Variants in CLEC12B observed in about 807,000 individuals in gnomAD.
CLEC12B encodes macrophage antigen h.
Under a neutral mutation model 36.1 loss-of-function variants are expected in CLEC12B, and 25 were observed. The ratio of observed to expected loss-of-function variants is 0.69; its 90% confidence interval spans 0.50 to 0.97. The LOEUF (loss-of-function observed/expected upper bound fraction) is 0.97. CLEC12B is among the 50% of genes least tolerant of loss of function. The pLI, the probability that CLEC12B is intolerant of heterozygous loss-of-function variation, is 0.00. For synonymous variants in CLEC12B, 110 were observed against 108.5 expected, an observed-to-expected ratio of 1.01 and a Z score of -0.09; for missense variants, 325 against 318.4, an observed-to-expected ratio of 1.02 and a Z score of -0.16.
In CLEC12B at chr12:10,010,664, C is replaced by T; in HGVS notation, c.-96C>T. Reference sequence around the variant, plus strand: ...TGTGTCTGGGTCAGCTGAGTGACTACATCAAAGCTCCCAGCCTTGAAAAAC... The same window carrying T: ...TGTGTCTGGGTCAGCTGAGTGACTATATCAAAGCTCCCAGCCTTGAAAAAC... On this transcript the variant is annotated 5_prime_UTR_variant, in exon 1 of 6. Coordinates refer to ENST00000338896, the MANE Select transcript of CLEC12B (RefSeq NM_001129998.3). 1 of 723,692 alleles carries T rather than the reference C, an allele frequency of 1.4e-6. No individual in the cohort carries two copies. The highest frequency in any genetic ancestry group is 2.4e-6 in the Non-Finnish European group (1 of 424,140). The allele number at this position is 723,692 out of a possible 1,614,324, so 44.8% of individuals were successfully genotyped here.
At chr12:10,013,239 C>A in intron 2 of CLEC12B, 1 of 269,826 alleles carries the variant, frequency 3.7e-6, no homozygotes, top group East Asian at 1.3e-4. Flanking sequence ...GAAGTGCTTG[C>A]TATTTTTATT....
chr12:10,016,558 T>C, intron 5 of CLEC12B: 1 of 289,296 alleles, frequency 3.5e-6, no homozygotes, highest in Non-Finnish European at 5.2e-6. Flanking sequence ...ATGAAACAAC[T>C]GTATTAATAT....
chr12:10,017,565 T>G (rs1308703967), intron 5 of CLEC12B: 1 of 985,388 alleles, frequency 1.0e-6, no homozygotes, highest in Non-Finnish European at 1.2e-6. Flanking sequence ...CAAGCCAGCA[T>G]GTCAAACACA....
chr12:10,013,050 A>G (rs1865373715), intron 2 of CLEC12B, 167 bp downstream of exon 2: 2 of 631,252 alleles, frequency 3.2e-6, no homozygotes, highest in Non-Finnish European at 5.6e-6. Context: ...AACCGGCAAA[A>G]GACATTATCA....
chr12:10,007,688 T>A (rs1231854947), upstream of CLEC12B, among the ~76,000 whole-genome samples: 1 of 152,208 alleles, frequency 6.6e-6, no homozygotes, highest in Admixed American at 6.5e-5. Context: ...AGAAGTTACA[T>A]TTCAAAAACG....
chr12:10,006,948 T>G (rs993113148), upstream of CLEC12B, among the ~76,000 whole-genome samples: 4 of 151,686 alleles, frequency 2.6e-5, no homozygotes, highest in Admixed American at 6.6e-5. Flanking sequence ...CCAGTTACTC[T>G]GGAGGCTGAG....
At position 10,010,712 on chromosome 12, in the gene CLEC12B, G is replaced by T; in HGVS notation, c.-48G>T. ...AACACATGCTGTTCCCAGGCCTCAA[G>T]ATATTGAAACATTAATTAGATAATT... On this transcript the variant is annotated 5_prime_UTR_variant, in exon 1 of 6. Coordinates refer to ENST00000338896, the MANE Select transcript of CLEC12B (RefSeq NM_001129998.3). 7.9e-7 allele frequency: 1 copy of T among 1,264,188 alleles called. No homozygotes were observed. Among genetic ancestry groups the T allele is most frequent in the Non-Finnish European group, 1.1e-6 (1 of 875,062 alleles). 78.3% of individuals were successfully genotyped at this position (1,264,188 alleles called of 1,614,324 possible). A position where few individuals can be genotyped will look rare whatever the true frequency, so the allele number is the denominator to read the frequency against.
rs550024263 is a variant in CLEC12B at position 10,018,454 on chromosome 12, C to T, written c.804C>T (p.Ala268=). Residue 268 remains alanine (A), a synonymous_variant, in exon 6 of 6, where the codon GCC becomes GCT. Transcript: ENST00000338896. ...TTTGGATTTGCGAGAAGACAGCTGC[C>T]CCAGTGAAGACTGAGGATTTGGATT... ...EIFWICEKTA[A]PVKTEDLD 1 of 1,550,726 alleles carries T rather than the reference C, an allele frequency of 6.4e-7. No individual in the cohort carries two copies. The highest frequency in any genetic ancestry group is 1.4e-5 in the African/African-American group (1 of 73,028).
At position 10,018,511 on chromosome 12, in the gene CLEC12B, A is replaced by G. The variant is rs1865542770; in HGVS notation, c.*30A>G. 2.6e-6 allele frequency: 4 copies of G among 1,539,326 alleles called. No individual in the cohort carries two copies. In the East Asian group the frequency reaches 9.9e-5, roughly 38 times the overall value. ...CTTCTTCCAAATTCTCCAAGAAGTA[A>G]GAGACTTGTGAGTAAGCTCATATGA... On this transcript the variant is annotated 3_prime_UTR_variant, in exon 6 of 6. Coordinates refer to ENST00000338896, the MANE Select transcript of CLEC12B (RefSeq NM_001129998.3).
upstream of CLEC12B, among the ~76,000 whole-genome samples, chr12:10,008,565 G>C (rs1347359249): frequency 6.6e-6 from 1 of 152,172 alleles, no homozygotes; most frequent in African/African-American, 2.4e-5. Flanking sequence ...TTTTTAAATA[G>C]TGTAACTGAT....
chr12:10,011,520 A>G (rs1018022241), intron 1 of CLEC12B, among the ~76,000 whole-genome samples: 1 of 152,228 alleles, frequency 6.6e-6, no homozygotes, highest in African/African-American at 2.4e-5. Context: ...AAATTAGATA[A>G]TTTAAGCAAG....
At chr12:10,015,842 G>A in intron 5 of CLEC12B, 115 bp downstream of exon 5, 1 of 1,518,154 alleles carries the variant, frequency 6.6e-7, no homozygotes, top group Non-Finnish European at 8.8e-7. Context: ...AACATACTGA[G>A]AAAAGAGCTC....
rs11053547 is a variant in CLEC12B at position 10,012,166 on chromosome 12, A to G, written c.92-619A>G. On this transcript the variant is annotated intron_variant, in intron 1 of 5. Coordinates refer to ENST00000338896, the MANE Select transcript of CLEC12B (RefSeq NM_001129998.3). ...GTGATAAATAGCATGAATAATAGAT[A>G]AGTTATTGTTAACAGGTAAAAGATA... Among the ~76,000 whole-genome samples, 207 of 152,360 alleles carry G rather than the reference A, an allele frequency of 1.4e-3. 6 individuals carry two copies. The East Asian group carries it at 0.034, about 25-fold the overall frequency.
intron 2 of CLEC12B, chr12:10,013,135 T>C: frequency 2.2e-6 from 1 of 464,164 alleles, no homozygotes; most frequent in Non-Finnish European, 3.8e-6. Flanking sequence ...TGTTTCCAGT[T>C]ATTCATTAGA....
At chr12:10,016,346 C>T (rs1266814391) in intron 5 of CLEC12B, 1 of 152,338 alleles carries the variant, frequency 6.6e-6, no homozygotes, top group East Asian at 1.9e-4. Flanking sequence ...CTAAACCTTC[C>T]ACTTCAGGGT....
intron 2 of CLEC12B, among the ~76,000 whole-genome samples, chr12:10,013,921 C>T (rs1336188285): frequency 3.3e-5 from 5 of 152,262 alleles, no homozygotes; most frequent in East Asian, 1.9e-4. Context: ...CAATAACGTA[C>T]GTCCATTGGT....
chr12:10,010,241 T>A (rs947871342), upstream of CLEC12B, among the ~76,000 whole-genome samples: 7 of 128,960 alleles, frequency 5.4e-5, no homozygotes, highest in Non-Finnish European at 1.1e-4. Flanking sequence ...CACACACGCT[T>A]GAATTTTCTA....
At position 10,015,739 on chromosome 12, in the gene CLEC12B, A is replaced by T; in HGVS notation, c.680+12A>T. 1 of 1,613,148 alleles carries T rather than the reference A, an allele frequency of 6.2e-7. No homozygotes were observed. The highest frequency in any genetic ancestry group is 1.1e-5 in the South Asian group (1 of 90,920). On this transcript the variant is annotated intron_variant, in intron 5 of 5. Coordinates refer to ENST00000338896, the MANE Select transcript of CLEC12B (RefSeq NM_001129998.3). ...CCCTCTCCATCCTTGTACGTCTCTA[A>T]CTATTGAGGGTAAACACAAGCTTTC...
In CLEC12B at chr12:10,017,808, A is replaced by G. The variant is rs1038108092; in HGVS notation, c.681-523A>G. On this transcript the variant is annotated intron_variant, in intron 5 of 5. Transcript: ENST00000338896. ...ATCAATTTCTTAGCAGAGGAAATGA[A>G]TACTATTGTCAGAACCATATCTATA... 4.8e-5 allele frequency: 44 copies of G among 923,382 alleles called. No individual in the cohort carries two copies. In the African/African-American group the frequency reaches 7.7e-4, roughly 16 times the overall value. The allele number at this position is 923,382 out of a possible 1,614,324, so 57.2% of individuals were successfully genotyped here.
Sources: gnomAD v4.1 joint callset for allele counts (sites outside exome capture counted in the v4.1 genomes callset) on GRCh38, gnomAD v4.1.1 for gene constraint, MANE v1.5 for transcripts, NCBI Gene and HGNC (gene_info 2026-07-23, HGNC 2026-07-21) for gene names.